The following NECAB2 variants were observed in gnomAD, a reference collection of about 807,000 sequenced individuals.
NECAB2 encodes N-terminal EF-hand calcium binding protein 2, also known as N-terminal EF-hand calcium-binding protein 2.
A neutral mutation model predicts 51.9 loss-of-function variants in NECAB2; 68 were observed. The observed-to-expected ratio is 1.31, with a 90% confidence interval of 1.08 to 1.60. The LOEUF is 1.60. Among genes scored for constraint, NECAB2 ranks in the 40% most tolerant of loss-of-function variants. The probability of loss-of-function intolerance (pLI) is 0.00; values close to 1 mark genes in which losing one functional copy is unlikely to be tolerated. For synonymous variants in NECAB2, 329 were observed against 203.5 expected (o/e 1.62, Z -5.25); for missense variants, 854 against 490.3 (o/e 1.74, Z -7.00).
rs377657212 is a variant in NECAB2 at position 83,978,570 on chromosome 16, C to A, written c.335+18C>A. The A allele has an allele frequency of 1.3e-6, 2 of 1,595,104 alleles. No individual in the cohort carries two copies. Among genetic ancestry groups the A allele is most frequent in the Admixed American group, 1.7e-5 (1 of 59,832 alleles). On this transcript the variant is annotated intron_variant, in intron 3 of 12. Coordinates refer to ENST00000305202, the MANE Select transcript of NECAB2 (RefSeq NM_019065.3). ...AACACCAAGTGAGCTTCAGTCCTGG[C>A]TGGCAGAGTGGGGGTGTGTGTGGGC...
intron 5 of NECAB2, among the ~76,000 whole-genome samples, chr16:83,981,382 G>A (rs901858273): frequency 5.3e-5 from 8 of 151,274 alleles, no homozygotes; most frequent in African/African-American, 7.4e-5. Flanking sequence ...CCTTAGAAAG[G>A]GTGGCCGCAA....
intron 11 of NECAB2, among the ~76,000 whole-genome samples, chr16:84,001,411 G>A (rs1460157497): frequency 6.6e-6 from 1 of 152,160 alleles, no homozygotes; most frequent in African/African-American, 2.4e-5. Context: ...CAGGACCCCA[G>A]TGGGAACAGG....
intron 5 of NECAB2, among the ~76,000 whole-genome samples, chr16:83,984,099 C>G (rs558384834): frequency 6.6e-6 from 1 of 151,060 alleles, no homozygotes; most frequent in Non-Finnish European, 1.5e-5. Context: ...GGGTTCACGC[C>G]ATTCTCCTGC....
rs185654357 is a variant in NECAB2, at chr16:83,991,115, T to A, written c.596+485T>A. On this transcript the variant is annotated intron_variant, in intron 6 of 12. Coordinates refer to ENST00000305202, the MANE Select transcript of NECAB2 (RefSeq NM_019065.3). The stretch of plus-strand genomic sequence containing the variant: ...CTCATGCCTCAGCCTCCTGAGTGGC[T>A]GGGACTGCAGGTGTGTAACACCATG... 1.3e-3 allele frequency among the ~76,000 whole-genome samples: 203 copies of A among 152,104 alleles called. 4 individuals are homozygous for A. Among genetic ancestry groups the A allele is most frequent in the Admixed American group, 0.013 (199 of 15,284 alleles).
intron 6 of NECAB2, among the ~76,000 whole-genome samples, chr16:83,993,229 C>G (rs942036471): frequency 3.3e-5 from 5 of 152,204 alleles, no homozygotes; most frequent in African/African-American, 7.2e-5. Context: ...GACCCCACCA[C>G]CCGGGAGCCC....
At chr16:83,998,160 A>C (rs773434509) in intron 9 of NECAB2, 45 bp from the exon 10 acceptor site, 8 of 1,571,178 alleles carry the variant, frequency 5.1e-6, no homozygotes, top group South Asian at 1.1e-5. Flanking sequence ...TTTAGGGAGA[A>C]GGCCTGACGT....
At position 83,994,285 on chromosome 16, in the gene NECAB2, TC is replaced by T; in HGVS notation, c.597-14del. 6.2e-7 allele frequency: 1 copy of T among 1,613,202 alleles called. No homozygotes were observed. Among genetic ancestry groups the T allele is most frequent in the African/African-American group, 1.3e-5 (1 of 75,006 alleles). On this transcript the variant is annotated splice_polypyrimidine_tract_variant and intron_variant, in intron 6 of 12. Coordinates refer to ENST00000305202, the MANE Select transcript of NECAB2 (RefSeq NM_019065.3). Reference sequence around the variant, plus strand: ...AGCCACCGCCATGGTCTGTGTGTGTTCCCATCCAAACTGCAGACAGAACCAC... The same window carrying T: ...AGCCACCGCCATGGTCTGTGTGTGTTCCATCCAAACTGCAGACAGAACCAC...
intron 5 of NECAB2, among the ~76,000 whole-genome samples, chr16:83,984,323 C>T (rs2084525475): frequency 6.6e-6 from 1 of 151,848 alleles, no homozygotes; most frequent in Admixed American, 6.6e-5. Flanking sequence ...CTGCCCTGGG[C>T]ATAGTCGTTT....
At position 84,001,868 on chromosome 16, in the gene NECAB2, G is replaced by GTGGACAC; in HGVS notation, c.1085_1091dup (p.Leu365GlyfsTer7). 6.2e-7 allele frequency: 1 copy of GTGGACAC among 1,614,174 alleles called. No homozygotes were observed. The highest frequency in any genetic ancestry group is 8.5e-7 in the Non-Finnish European group (1 of 1,180,000). ...GTGTAAGGCGTTCCGGCACGTCAAGGTGGACACACTGAGCCAGCCTGAGGC... is the reference window on the plus strand; with the variant it reads ...GTGTAAGGCGTTCCGGCACGTCAAGGTGGACACTGGACACACTGAGCCAGCCTGAGGC... On this transcript the variant is annotated frameshift_variant, in exon 12 of 13. Transcript: ENST00000305202. LOFTEE classifies it high-confidence loss of function.
chr16:83,996,801 C>T (rs752385062), intron 8 of NECAB2, among the ~76,000 whole-genome samples: 8 of 152,116 alleles, frequency 5.3e-5, no homozygotes, highest in Non-Finnish European at 7.4e-5. Context: ...CCTGGGGAGT[C>T]TGGAAGATTG....
At position 83,983,961 on chromosome 16, in the gene NECAB2, C is replaced by G. The variant is rs530705589; in HGVS notation, c.459+2834C>G. Among the ~76,000 whole-genome samples, 21 of 149,300 alleles carry G rather than the reference C, an allele frequency of 1.4e-4. No individual in the cohort carries two copies. In the South Asian group the frequency reaches 4.0e-3, roughly 29 times the overall value. On this transcript the variant is annotated intron_variant, in intron 5 of 12. Transcript: ENST00000305202. ...TCTCTACTTTTAGTCAACTTTTTCA[C>G]TTGTCCATTGTAAAATACATATATA...
chr16:83,966,096 C>T (rs766617164), upstream of NECAB2: 14 of 1,117,974 alleles, frequency 1.3e-5, no homozygotes, highest in African/African-American at 3.1e-5. Context: ...AAAGATGCCC[C>T]GGGGAGGGGT....
At chr16:83,999,754 A>C (rs535087747) in intron 10 of NECAB2, among the ~76,000 whole-genome samples, 2 of 152,210 alleles carry the variant, frequency 1.3e-5, no homozygotes, top group East Asian at 3.9e-4. Flanking sequence ...TCTGTGGCCC[A>C]GCACCCCCTC....
chr16:83,966,855 C>T (rs1022928096), upstream of NECAB2, among the ~76,000 whole-genome samples: 2 of 152,206 alleles, frequency 1.3e-5, no homozygotes, highest in Non-Finnish European at 2.9e-5. Flanking sequence ...GTCTAAGGTG[C>T]TACCTTTTCA....
chr16:83,971,794 G>C (rs768734597), intron 1 of NECAB2: 4 of 433,020 alleles, frequency 9.2e-6, no homozygotes, highest in Non-Finnish European at 1.7e-5. Flanking sequence ...GATTCGGAGT[G>C]TGGTTGTGTG....
Position 83,994,720 on chromosome 16 carries a change from C to G in NECAB2, c.795+32C>G, listed in dbSNP as rs1371217524. ...CCTGGCCTGACCACGGCGTCTACTC[C>G]TTCCAACCCCTGAGGGAGTGCAGAG... On this transcript the variant is annotated intron_variant, in intron 8 of 12. Coordinates refer to ENST00000305202, the MANE Select transcript of NECAB2 (RefSeq NM_019065.3). The G allele has an allele frequency of 3.1e-6, 5 of 1,609,808 alleles. No individual in the cohort carries two copies. In the South Asian group the frequency reaches 5.5e-5, roughly 18 times the overall value.
chr16:83,990,615 A>T lies in NECAB2; in HGVS notation c.581A>T (p.Gln194Leu), dbSNP rs1331499950. 8 of 1,614,096 alleles carry T rather than the reference A, an allele frequency of 5.0e-6. No homozygotes were observed. Among genetic ancestry groups the T allele is most frequent in the East Asian group, 2.2e-5 (1 of 44,850 alleles). ...AGTGCGGTGGAGGCCATCGAGGAAC[A>T]GACCAGCCAGCTCCGGTGAGTCTCT... is the stretch of plus-strand genomic sequence containing the variant. ...VESAVEAIEE[Q>L]TSQLRQNHIK... Residue 194 changes from glutamine to leucine, a missense_variant, in exon 6 of 13, where the codon CAG becomes CTG. Physicochemically the swap from Gln to Leu is moderately radical, Grantham distance 113. Transcript: ENST00000305202.
Position 83,968,562 on chromosome 16 carries a change from G to C in NECAB2, c.-87G>C, listed in dbSNP as rs1177533943. 1.1e-6 allele frequency: 1 copy of C among 942,788 alleles called. No homozygotes were observed. The highest frequency in any genetic ancestry group is 1.3e-6 in the Non-Finnish European group (1 of 794,204). 58.4% of individuals were successfully genotyped at this position (942,788 alleles called of 1,614,324 possible). ...CGGGAGAGAGGGCGGGGCGGCGCGG[G>C]CAGCGCGGGGAGGGGGTCGCGCGGG... On this transcript the variant is annotated 5_prime_UTR_variant, in exon 1 of 13. Coordinates refer to ENST00000305202, the MANE Select transcript of NECAB2 (RefSeq NM_019065.3).
At chr16:83,971,989 CT>C in intron 1 of NECAB2, 161 bp from the exon 2 acceptor site, 1 of 954,252 alleles carries the variant, frequency 1.0e-6, no homozygotes, top group South Asian at 1.6e-5. Flanking sequence ...TCAGTTCCCC[CT>C]GGATCCCAGC....
Sources: gnomAD v4.1 joint callset for allele counts (sites outside exome capture counted in the v4.1 genomes callset) on GRCh38, gnomAD v4.1.1 for gene constraint, MANE v1.5 for transcripts, NCBI Gene and HGNC (gene_info 2026-07-23, HGNC 2026-07-21) for gene names.